Variants in PAM observed in about 807,000 individuals in gnomAD.
The protein encoded by PAM is peptidyl-glycine alpha-amidating monooxygenase.
A neutral mutation model predicts 122.1 loss-of-function variants in PAM; 72 were observed. The observed-to-expected ratio is 0.59, with a 90% CI of 0.49 to 0.72. The LOEUF is 0.72. Ranked by LOEUF, PAM falls within the 30% of genes least tolerant of loss-of-function variation. PAM has a pLI of 0.00. For missense variants in PAM, 1,106 were observed against 1,183.7 expected (o/e 0.93, Z 0.96); for synonymous variants, 389 against 404.4 (o/e 0.96, Z 0.46).
intron 5 of PAM, among the ~76,000 whole-genome samples, chr5:102,917,446 C>A (rs201051159): frequency 6.6e-6 from 1 of 152,058 alleles, no homozygotes. Context: ...GGGGATGATA[C>A]CTATAACAGT....
intron 5 of PAM, among the ~76,000 whole-genome samples, chr5:102,920,368 A>G (rs1746982151): frequency 6.6e-6 from 1 of 152,120 alleles, no homozygotes; most frequent in African/African-American, 2.4e-5. Flanking sequence ...TAAAACAGAC[A>G]CACACTCTGC....
intron 20 of PAM, among the ~76,000 whole-genome samples, chr5:103,008,476 T>C (rs1446249958): frequency 6.6e-6 from 1 of 152,078 alleles, no homozygotes; most frequent in African/African-American, 2.4e-5. Context: ...TGAAATGAGA[T>C]CAATAACGAG....
At chr5:102,887,523 C>T (rs1793512164) in intron 3 of PAM, among the ~76,000 whole-genome samples, 1 of 151,902 alleles carries the variant, frequency 6.6e-6, no homozygotes, top group African/African-American at 2.4e-5. Context: ...GTTCTTCAGT[C>T]AAAGCACAGA....
At chr5:102,916,176 T>G (rs915978865) in intron 5 of PAM, among the ~76,000 whole-genome samples, 2 of 152,102 alleles carry the variant, frequency 1.3e-5, no homozygotes, top group African/African-American at 4.8e-5. Context: ...TACTAGGCCA[T>G]TTTTAAAGCC....
chr5:102,863,178 C>A (rs1190262752), intron 1 of PAM, among the ~76,000 whole-genome samples: 1 of 145,022 alleles, frequency 6.9e-6, no homozygotes, highest in African/African-American at 2.9e-5. Flanking sequence ...GATATGTAAA[C>A]AGAACATTTG....
At chr5:102,787,336 G>A (rs941249380) in intron 1 of PAM, among the ~76,000 whole-genome samples, 3 of 151,892 alleles carry the variant, frequency 2.0e-5, no homozygotes, top group South Asian at 2.1e-4. Context: ...CCATTATCCC[G>A]TGCTGTCTAG....
rs1442583928 is a variant in PAM, at chr5:102,924,937, C to T, written c.357-20C>T. On this transcript the variant is annotated intron_variant, in intron 5 of 25. Transcript: ENST00000438793. ...TTCACTATTTAAATCTTCATTTATA[C>T]TACTTTTTATTTTCTTCAGGTTTTG... 6 of 1,227,072 alleles carry T rather than the reference C, an allele frequency of 4.9e-6. No homozygotes were observed. Among genetic ancestry groups the T allele is most frequent in the Non-Finnish European group, 7.3e-6 (6 of 826,598 alleles). 76.0% of individuals were successfully genotyped at this position (1,227,072 alleles called of 1,614,324 possible). A position where few individuals can be genotyped will look rare whatever the true frequency, so the allele number is the denominator to read the frequency against.
At chr5:103,000,969 T>A (rs538219856) in intron 16 of PAM, among the ~76,000 whole-genome samples, 110 of 152,256 alleles carry the variant, frequency 7.2e-4, no homozygotes, top group African/African-American at 2.5e-3. Flanking sequence ...AAAAAATTAT[T>A]AAATTATATT....
chr5:102,922,477 G>T (rs1747769480), intron 5 of PAM, among the ~76,000 whole-genome samples: 1 of 152,142 alleles, frequency 6.6e-6, no homozygotes, highest in South Asian at 2.1e-4. Context: ...GTTGTCTGGA[G>T]ACAATGTCTA....
Position 103,029,270 on chromosome 5 carries a change from C to A in PAM, c.*205C>A. 2.4e-6 allele frequency: 1 copy of A among 408,398 alleles called. No homozygotes were observed. 25.3% of individuals were successfully genotyped at this position (408,398 alleles called of 1,614,324 possible). ...TAAAAGTTCATAACAGTGCCATTGTCTTTATATGAACATAGACTAGAGAAA... is the reference window on the plus strand; with the variant it reads ...TAAAAGTTCATAACAGTGCCATTGTATTTATATGAACATAGACTAGAGAAA... On this transcript the variant is annotated 3_prime_UTR_variant, in exon 26 of 26. Transcript: ENST00000438793.
rs201249509 is a variant in PAM at position 103,003,073 on chromosome 5, G to A, written c.1654G>A (p.Gly552Arg). The A allele has an allele frequency of 1.4e-4, 222 of 1,607,224 alleles. No individual in the cohort carries two copies. Among genetic ancestry groups the A allele is most frequent in the Non-Finnish European group, 1.8e-4 (206 of 1,174,076 alleles). The stretch of plus-strand genomic sequence containing the variant: ...GTTTGTTTACCAGCAAATAGGACTC[G>A]GACCAATTGAAGAAGACACTATTCT... ...SKFVYQQIGLGPIEEDTILVI... is the reference protein window; with the variant it reads ...SKFVYQQIGLRPIEEDTILVI... The change falls in exon 17 of 26, where the codon GGA becomes AGA. Residue 552 changes from glycine (G) to arginine (R), a missense_variant. Around this residue, in one of 3 missense-constraint regions of PAM, gnomAD observed 670 missense variants for 690.3 expected, o/e 0.97. Coordinates refer to ENST00000438793, the MANE Select transcript of PAM (RefSeq NM_001177306.2).
At chr5:102,766,926 A>ATTTTTTTTTTGTTTTTTTTTTTTT (rs1754150363) in intron 1 of PAM, among the ~76,000 whole-genome samples, 1 of 25,830 alleles carries the variant, frequency 3.9e-5, no homozygotes, top group Non-Finnish European at 7.7e-5. Context: ...TCAGTTGTGG[A>ATTTTTTTTTTGTTTTTTTTTTTTT]TTTTTTTTTT....
chr5:102,827,002 A>G (rs893842878), intron 1 of PAM, among the ~76,000 whole-genome samples: 2 of 152,352 alleles, frequency 1.3e-5, no homozygotes, highest in Admixed American at 1.3e-4. Flanking sequence ...AAGAATGCTA[A>G]GAAATATTTT....
At chr5:102,838,282 A>G (rs1229317830) in intron 1 of PAM, 2 of 152,132 alleles carry the variant, frequency 1.3e-5, no homozygotes, top group African/African-American at 2.4e-5. Context: ...AAGAATGGCC[A>G]TCATGTTCTT....
At position 102,913,842 on chromosome 5, in the gene PAM, A is replaced by C. The variant is rs6876278; in HGVS notation, c.269-92A>C. Reference sequence around the variant, plus strand: ...GAACATCAAAACATCTTTGTTATACAGGTATTTGAACTGTTCAAAGATGTA... The same window carrying C: ...GAACATCAAAACATCTTTGTTATACCGGTATTTGAACTGTTCAAAGATGTA... On this transcript the variant is annotated intron_variant, in intron 4 of 25. Coordinates refer to ENST00000438793, the MANE Select transcript of PAM (RefSeq NM_001177306.2). 1.1e-5 allele frequency: 8 copies of C among 712,836 alleles called. No individual in the cohort carries two copies. The African/African-American group carries it at 1.2e-4, about 11-fold the overall frequency. 44.2% of individuals were successfully genotyped at this position (712,836 alleles called of 1,614,324 possible). A position where few individuals can be genotyped will look rare whatever the true frequency, so the allele number is the denominator to read the frequency against.
At chr5:103,026,798 G>A (rs529579130) in intron 24 of PAM, among the ~76,000 whole-genome samples, 2 of 152,312 alleles carry the variant, frequency 1.3e-5, no homozygotes, top group Admixed American at 1.3e-4. Context: ...GGTGGTAAGT[G>A]CAGTGATAAA....
rs1330350342 is a variant in PAM at position 103,019,247 on chromosome 5, T to C, written c.2432-543T>C. ...AGAAAGTCCTCCCAAGTGACTTTGG[T>C]ACATCTCCTGATGGAAAAGCACAGC... On this transcript the variant is annotated intron_variant, in intron 22 of 25. Coordinates refer to ENST00000438793, the MANE Select transcript of PAM (RefSeq NM_001177306.2). Among the ~76,000 whole-genome samples, 4 of 152,240 alleles carry C rather than the reference T, an allele frequency of 2.6e-5. No individual in the cohort carries two copies. The East Asian group carries it at 7.7e-4, about 29-fold the overall frequency.
intron 15 of PAM, among the ~76,000 whole-genome samples, chr5:102,981,285 A>G (rs1229470067): frequency 2.0e-5 from 3 of 152,232 alleles, no homozygotes; most frequent in African/African-American, 7.2e-5. Context: ...TATTTTCTGT[A>G]AGAATAGTAA....
At position 102,805,872 on chromosome 5, in the gene PAM, C is replaced by T. The variant is rs114404998; in HGVS notation, c.-374+50524C>T. Among the ~76,000 whole-genome samples the T allele has an allele frequency of 6.0e-3, 918 of 152,284 alleles. 11 individuals are homozygous for T. Among genetic ancestry groups the T allele is most frequent in the African/African-American group, 0.021 (863 of 41,550 alleles). Reference sequence around the variant, plus strand: ...AGGTTGGATAAATTAGGCCTCTTTTCTCTAATGCAAGCCTCTCTAACAGGC... The same window carrying T: ...AGGTTGGATAAATTAGGCCTCTTTTTTCTAATGCAAGCCTCTCTAACAGGC... On this transcript the variant is annotated intron_variant, in intron 1 of 25. Transcript: ENST00000438793.
Sources: gnomAD v4.1 joint callset for allele counts (sites outside exome capture counted in the v4.1 genomes callset) on GRCh38, gnomAD v4.1.1 for gene constraint, gnomAD v4.1.1 regional missense constraint, MANE v1.5 for transcripts, NCBI Gene and HGNC (gene_info 2026-07-23, HGNC 2026-07-21) for gene names.